The following MTUS2 variants were observed in gnomAD, a reference collection of about 807,000 sequenced individuals.
MTUS2 encodes microtubule-associated tumor suppressor candidate 2.
MTUS2 carries 40 observed loss-of-function variants against 114.1 expected under a neutral mutation model. That is an observed-to-expected ratio of 0.35 (90% CI 0.27 to 0.46). The LOEUF (loss-of-function observed/expected upper bound fraction) is 0.46, where lower values mean the gene tolerates loss of function less well. Among genes scored for constraint, MTUS2 ranks in the 20% least tolerant of loss-of-function variants. The pLI is 1.00. For synonymous variants in MTUS2, 688 were observed against 672.0 expected, an observed-to-expected ratio of 1.02 and a Z score of -0.37; for missense variants, 1,679 against 1,705.4, an observed-to-expected ratio of 0.98 and a Z score of 0.27.
At chr13:29,055,226 ACT>A (rs896510982) in intron 4 of MTUS2, among the ~76,000 whole-genome samples, 5 of 151,926 alleles carry the variant, frequency 3.3e-5, no homozygotes, top group Non-Finnish European at 7.4e-5. Context: ...AGGTGCATAA[ACT>A]CATTTGGGAT....
At chr13:29,271,220 T>G (rs1036840879) in intron 5 of MTUS2, among the ~76,000 whole-genome samples, 2 of 152,180 alleles carry the variant, frequency 1.3e-5, no homozygotes, top group African/African-American at 4.8e-5. Flanking sequence ...GGCAACTTCT[T>G]CTAATTAGGG....
chr13:29,036,336 T>C (rs1236610402), intron 4 of MTUS2, among the ~76,000 whole-genome samples: 1 of 152,122 alleles, frequency 6.6e-6, no homozygotes, highest in African/African-American at 2.4e-5. Flanking sequence ...AGTTGGCACT[T>C]TTTGATAATT....
chr13:29,369,296 T>G (rs1871005712), intron 8 of MTUS2, among the ~76,000 whole-genome samples: 1 of 152,050 alleles, frequency 6.6e-6, no homozygotes, highest in Non-Finnish European at 1.5e-5. Flanking sequence ...CTGTGAGGAG[T>G]GGCAATGGCA....
chr13:29,306,955 G>A, intron 6 of MTUS2: 1 of 546,150 alleles, frequency 1.8e-6, no homozygotes, highest in South Asian at 1.4e-5. Context: ...CCATGGCACT[G>A]TCAAGGCTGA....
intron 4 of MTUS2, among the ~76,000 whole-genome samples, chr13:29,074,148 T>C (rs1349791578): frequency 1.3e-5 from 2 of 152,174 alleles, no homozygotes; most frequent in East Asian, 3.9e-4. Flanking sequence ...TGGCTCCACA[T>C]TGCTGTCAGA....
chr13:29,386,026 C>G (rs1203536847), intron 8 of MTUS2, among the ~76,000 whole-genome samples: 1 of 152,142 alleles, frequency 6.6e-6, no homozygotes, highest in African/African-American at 2.4e-5. Context: ...GAGTTACCTA[C>G]ACAGAATGCT....
At chr13:29,019,361 C>T (rs1375335307) in intron 2 of MTUS2, among the ~76,000 whole-genome samples, 1 of 152,110 alleles carries the variant, frequency 6.6e-6, no homozygotes, top group Non-Finnish European at 1.5e-5. Flanking sequence ...CGATGAATGA[C>T]ACCAGTGAGT....
intron 5 of MTUS2, among the ~76,000 whole-genome samples, chr13:29,223,564 A>G (rs1895989935): frequency 1.3e-5 from 2 of 152,202 alleles, no homozygotes; most frequent in Non-Finnish European, 2.9e-5. Flanking sequence ...GTCTCCTCTG[A>G]GATGTTCTGA....
At chr13:29,385,045 CCAG>C (rs1255966756) in intron 8 of MTUS2, among the ~76,000 whole-genome samples, 2 of 152,150 alleles carry the variant, frequency 1.3e-5, no homozygotes, top group Non-Finnish European at 2.9e-5. Flanking sequence ...CCAGGGTGGA[CCAG>C]CCACTCTGCT....
chr13:29,409,336 G>T (rs1366773425), intron 8 of MTUS2, among the ~76,000 whole-genome samples: 1 of 151,838 alleles, frequency 6.6e-6, no homozygotes, highest in Non-Finnish European at 1.5e-5. Context: ...AAATCAAATT[G>T]TTCACCCATT....
intron 6 of MTUS2, among the ~76,000 whole-genome samples, chr13:29,286,410 TG>T (rs1898481713): frequency 6.6e-6 from 1 of 152,212 alleles, no homozygotes; most frequent in African/African-American, 2.4e-5. Flanking sequence ...TTGTTGAAGC[TG>T]GGTAATGGAA....
intron 5 of MTUS2, among the ~76,000 whole-genome samples, chr13:29,117,758 A>G (rs1229822197): frequency 6.6e-6 from 1 of 152,208 alleles, no homozygotes; most frequent in African/African-American, 2.4e-5. Context: ...GCAGCCGTCA[A>G]CTGCCAACAC....
rs994590088 is a variant in MTUS2, at chr13:29,001,182, C to T, written c.-242-23275C>T. Among the ~76,000 whole-genome samples the T allele has an allele frequency of 5.3e-5, 8 of 151,846 alleles. No homozygotes were observed. The East Asian group carries it at 1.2e-3, about 22-fold the overall frequency. On this transcript the variant is annotated intron_variant, in intron 2 of 15. Coordinates refer to ENST00000612955, the MANE Select transcript of MTUS2 (RefSeq NM_001033602.4). ...TCATAAGAACTTTGGCTTTTATTCTCAGTGAGCTGAAGAGCCACTGGAGGG... is the reference window on the plus strand; with the variant it reads ...TCATAAGAACTTTGGCTTTTATTCTTAGTGAGCTGAAGAGCCACTGGAGGG...
chr13:29,285,680 C>T (rs904964564), intron 6 of MTUS2, among the ~76,000 whole-genome samples: 6 of 152,104 alleles, frequency 3.9e-5, no homozygotes, highest in African/African-American at 7.2e-5. Flanking sequence ...CTGATGTACT[C>T]GGCAAGAGCA....
chr13:28,825,970 C>G (rs1479485639), intron 1 of MTUS2, among the ~76,000 whole-genome samples: 1 of 152,160 alleles, frequency 6.6e-6, no homozygotes, highest in Non-Finnish European at 1.5e-5. Context: ...GCAAGCTTCT[C>G]TCACGTGCCC....
intron 10 of MTUS2, among the ~76,000 whole-genome samples, chr13:29,483,139 C>T (rs758907543): frequency 1.3e-5 from 2 of 152,224 alleles, no homozygotes. Context: ...CCACAGATAA[C>T]GACATCTCTG....
intron 2 of MTUS2, among the ~76,000 whole-genome samples, chr13:28,862,309 G>C (rs753345760): frequency 2.6e-5 from 4 of 152,196 alleles, no homozygotes; most frequent in Admixed American, 6.6e-5. Flanking sequence ...AGAAAAGCCA[G>C]AAGAAAACAG....
intron 4 of MTUS2, among the ~76,000 whole-genome samples, chr13:29,080,831 T>C (rs929053117): frequency 1.3e-5 from 2 of 152,150 alleles, no homozygotes; most frequent in Admixed American, 6.5e-5. Flanking sequence ...GTTCAAGTGA[T>C]TCCCCTGCCT....
At chr13:28,835,226 A>G (rs1874991032) in intron 1 of MTUS2, among the ~76,000 whole-genome samples, 1 of 152,236 alleles carries the variant, frequency 6.6e-6, no homozygotes, top group Admixed American at 6.5e-5. Flanking sequence ...GAATGTGTAC[A>G]TAGGAGCCTC....
Sources: gnomAD v4.1 joint callset for allele counts (sites outside exome capture counted in the v4.1 genomes callset) on GRCh38, gnomAD v4.1.1 for gene constraint, MANE v1.5 for transcripts, NCBI Gene and HGNC (gene_info 2026-07-23, HGNC 2026-07-21) for gene names.